Variants in IHH observed in about 807,000 individuals in gnomAD.
IHH encodes the protein indian hedgehog protein.
IHH carries 9 observed loss-of-function variants against 29.4 expected under a neutral mutation model. The observed-to-expected ratio is 0.31, with a 90% CI of 0.18 to 0.53. The LOEUF is 0.53. Ranked by LOEUF, IHH falls within the 20% of genes least tolerant of loss-of-function variation. IHH has a pLI of 0.95. For missense variants in IHH, 454 were observed against 578.1 expected (o/e 0.79, Z 2.20); for synonymous variants, 254 against 252.7 (o/e 1.01, Z -0.05).
Position 219,060,442 on chromosome 2 carries a change from C to A in IHH, c.26G>T (p.Arg9Leu). The part of the protein sequence containing the change: MSPARLRP[R>L]LHFCLVLLLL... ...CAACAGGACCAGGCAGAAGTGCAGTCGGGGCCGGAGCCGGGCGGGAGACAT... is the reference window on the plus strand; with the variant it reads ...CAACAGGACCAGGCAGAAGTGCAGTAGGGGCCGGAGCCGGGCGGGAGACAT... Residue 9 changes from arginine to leucine, a missense_variant, in exon 1 of 3, where the codon CGA (arginine) becomes CTA (leucine). Physicochemically the swap from Arg to Leu is moderately radical, Grantham distance 102. Transcript: ENST00000295731. This position sits in a 1 kb window ranked among gnomAD's most constrained non-coding sequence, Gnocchi z 8.8. 1 of 1,564,910 alleles carries A rather than the reference C, an allele frequency of 6.4e-7. No homozygotes were observed.
Position 219,055,330 on chromosome 2 carries a change from T to C in IHH, c.1113A>G (p.Ala371=), listed in dbSNP as rs370954076. The change falls in exon 3 of 3, where the codon GCA becomes GCG. Residue 371 remains alanine (A), a synonymous_variant. Coordinates refer to ENST00000295731, the MANE Select transcript of IHH (RefSeq NM_002181.4). The part of the protein sequence containing the change: ...FWPLRLFHSL[A]WGSWTPGEGV... ...CCTCCCCCGGAGTCCAGCTGCCCCA[T>C]GCCAAGCTGTGAAAGAGTCTCAGGG... The C allele has an allele frequency of 1.2e-6, 2 of 1,613,086 alleles. No homozygotes were observed. Among genetic ancestry groups the C allele is most frequent in the African/African-American group, 1.3e-5 (1 of 74,942 alleles).
chr2:219,060,514 G>C lies in IHH; in HGVS notation c.-47C>G. The C allele has an allele frequency of 2.2e-6, 3 of 1,334,360 alleles. No homozygotes were observed. The highest frequency in any genetic ancestry group is 2.9e-6 in the Non-Finnish European group (3 of 1,032,550). 82.7% of individuals were successfully genotyped at this position (1,334,360 alleles called of 1,614,324 possible). On this transcript the variant is annotated 5_prime_UTR_variant, in exon 1 of 3. The change creates a new upstream start codon in the 5' untranslated region. Transcript: ENST00000295731. The surrounding 1 kb of genome is among the most constrained non-coding windows in gnomAD (Gnocchi z 8.8). ...GGCGGGCGAGGTCTCCTGGTGGGCT[G>C]ATGGGCAGGCGCGTCGACGGGAGCG...
Position 219,060,469 on chromosome 2 carries a change from G to GCCGGGGAGC in IHH, c.-11_-3dup. 1 of 1,484,010 alleles carries GCCGGGGAGC rather than the reference G, an allele frequency of 6.7e-7. No homozygotes were observed. Among genetic ancestry groups the GCCGGGGAGC allele is most frequent in the Non-Finnish European group, 8.9e-7 (1 of 1,122,716 alleles). The allele number at this position is 1,484,010 out of a possible 1,614,324, so 91.9% of individuals were successfully genotyped here. A position where few individuals can be genotyped will look rare whatever the true frequency, so the allele number is the denominator to read the frequency against. On this transcript the variant is annotated 5_prime_UTR_variant, in exon 1 of 3. Transcript: ENST00000295731. This position sits in a 1 kb window ranked among gnomAD's most constrained non-coding sequence, Gnocchi z 8.8. ...GGGCCGGAGCCGGGCGGGAGACATG[G>GCCGGGGAGC]CCGGGGAGCCCGGGGGAGCGGCGGG...
At position 219,059,388 on chromosome 2, in the gene IHH, A is replaced by T. The variant is rs1004462164; in HGVS notation, c.315+765T>A. On this transcript the variant is annotated intron_variant, in intron 1 of 2. Transcript: ENST00000295731. The surrounding 1 kb of genome is among the most constrained non-coding windows in gnomAD (Gnocchi z 4.7). ...GCGCGGGTCCTACTCCAGCATGCAG[A>T]GACTAGCGTCAGCCCTGGTCCCTGC... 1.3e-5 allele frequency among the ~76,000 whole-genome samples: 2 copies of T among 152,092 alleles called. No individual in the cohort carries two copies. Among genetic ancestry groups the T allele is most frequent in the South Asian group, 4.1e-4 (2 of 4,828 alleles).
At chr2:219,057,890 C>T (rs1016906682) in intron 1 of IHH, among the ~76,000 whole-genome samples, 196 bp from the exon 2 acceptor site, 1 of 152,264 alleles carries the variant, frequency 6.6e-6, no homozygotes, top group African/African-American at 2.4e-5. Context: ...CAGCCGCCCC[C>T]GGGGATCTGG....
In IHH at chr2:219,060,505, T is replaced by C; in HGVS notation, c.-38A>G. 1 of 1,384,176 alleles carries C rather than the reference T, an allele frequency of 7.2e-7. No homozygotes were observed. The highest frequency in any genetic ancestry group is 9.4e-7 in the Non-Finnish European group (1 of 1,068,518). 85.7% of individuals were successfully genotyped at this position (1,384,176 alleles called of 1,614,324 possible). ...CGGGGGAGCGGCGGGCGAGGTCTCC[T>C]GGTGGGCTGATGGGCAGGCGCGTCG... On this transcript the variant is annotated 5_prime_UTR_variant, in exon 1 of 3. Coordinates refer to ENST00000295731, the MANE Select transcript of IHH (RefSeq NM_002181.4). This position sits in a 1 kb window ranked among gnomAD's most constrained non-coding sequence, Gnocchi z 8.8.
At chr2:219,057,291 G>T in intron 2 of IHH, 142 bp downstream of exon 2, 1 of 959,592 alleles carries the variant, frequency 1.0e-6, no homozygotes, top group Non-Finnish European at 1.6e-6. Flanking sequence ...GTCAGGAGCA[G>T]CCTTGGAGAG....
At chr2:219,057,800 C>G in intron 1 of IHH, 106 bp from the exon 2 acceptor site, 1 of 1,479,394 alleles carries the variant, frequency 6.8e-7, no homozygotes, top group Non-Finnish European at 9.2e-7. Flanking sequence ...CCGCCACACC[C>G]AAGGGAGCTG....
intron 2 of IHH, among the ~76,000 whole-genome samples, chr2:219,057,050 A>G (rs1033842141): frequency 1.3e-5 from 2 of 151,902 alleles, no homozygotes; most frequent in African/African-American, 2.4e-5. Context: ...GTCTGGGCAT[A>G]CCCCGGCTCC....
At chr2:219,055,920 C>T (rs960283894) in intron 2 of IHH, 55 bp from the exon 3 acceptor site, 3 of 1,555,126 alleles carry the variant, frequency 1.9e-6, no homozygotes, top group Non-Finnish European at 2.6e-6. Flanking sequence ...GCCTCCTGGT[C>T]ACAACGACCC....
chr2:219,055,652 T>A lies in IHH; in HGVS notation c.791A>T (p.Asp264Val), dbSNP rs775340016. 1 of 1,613,300 alleles carries A rather than the reference T, an allele frequency of 6.2e-7. No homozygotes were observed. The highest frequency in any genetic ancestry group is 8.5e-7 in the Non-Finnish European group (1 of 1,179,816). Residue 264 changes from aspartate (D) to valine (V), a missense_variant, in exon 3 of 3, where the codon GAC becomes GTC. By Grantham distance (152) the Asp-to-Val change is radical. Transcript: ENST00000295731. ...TGTGAGTGCCAGGCGGCGTGGGGGGTCCTGAGTCTCGATGACCTGGAAGGC... is the reference window on the plus strand; with the variant it reads ...TGTGAGTGCCAGGCGGCGTGGGGGGACCTGAGTCTCGATGACCTGGAAGGC... The part of the protein sequence containing the change: ...LRAFQVIETQ[D>V]PPRRLALTPA...
chr2:219,059,386 A>G lies in IHH; in HGVS notation c.315+767T>C, dbSNP rs1948861766. Among the ~76,000 whole-genome samples the G allele has an allele frequency of 6.6e-6, 1 of 152,168 alleles. No individual in the cohort carries two copies. The highest frequency in any genetic ancestry group is 2.4e-5 in the African/African-American group (1 of 41,442). ...GAGCGCGGGTCCTACTCCAGCATGC[A>G]GAGACTAGCGTCAGCCCTGGTCCCT... On this transcript the variant is annotated intron_variant, in intron 1 of 2. Coordinates refer to ENST00000295731, the MANE Select transcript of IHH (RefSeq NM_002181.4). This position sits in a 1 kb window ranked among gnomAD's most constrained non-coding sequence, Gnocchi z 4.7.
chr2:219,057,746 C>T (rs776882116), intron 1 of IHH, 52 bp from the exon 2 acceptor site: 6 of 1,597,208 alleles, frequency 3.8e-6, no homozygotes, highest in Non-Finnish European at 5.1e-6. Flanking sequence ...GCCGGAGGAG[C>T]CGGCCGAGGT....
In IHH at chr2:219,055,675, G is replaced by A; in HGVS notation, c.768C>T (p.Ala256=). Residue 256 remains alanine (A), a synonymous_variant, in exon 3 of 3, where the codon GCC becomes GCT. Coordinates refer to ENST00000295731, the MANE Select transcript of IHH (RefSeq NM_002181.4). ...FLDREPHRLR[A]FQVIETQDPP... is the part of the protein sequence containing the mutation. ...GGTCCTGAGTCTCGATGACCTGGAA[G>A]GCTCTCAGCCTGTGAGGCTCGCGGT... 1 of 1,614,080 alleles carries A rather than the reference G, an allele frequency of 6.2e-7. No homozygotes were observed. The highest frequency in any genetic ancestry group is 1.1e-5 in the South Asian group (1 of 91,090).
chr2:219,055,068 A>G lies in IHH; in HGVS notation c.*139T>C. 1.1e-6 allele frequency: 1 copy of G among 894,548 alleles called. No individual in the cohort carries two copies. Among genetic ancestry groups the G allele is most frequent in the Non-Finnish European group, 1.7e-6 (1 of 581,286 alleles). 55.4% of individuals were successfully genotyped at this position (894,548 alleles called of 1,614,324 possible). A position where few individuals can be genotyped will look rare whatever the true frequency, so the allele number is the denominator to read the frequency against. Reference sequence around the variant, plus strand: ...CGCTGGTGTTGCCCAGTCAAGTCTCAATGGTGTATCTTCATGGCAGAGGAG... The same window carrying G: ...CGCTGGTGTTGCCCAGTCAAGTCTCGATGGTGTATCTTCATGGCAGAGGAG... On this transcript the variant is annotated 3_prime_UTR_variant, in exon 3 of 3. Coordinates refer to ENST00000295731, the MANE Select transcript of IHH (RefSeq NM_002181.4).
At chr2:219,057,332 T>C (rs1187378996) in intron 2 of IHH, 101 bp downstream of exon 2, 7 of 1,339,562 alleles carry the variant, frequency 5.2e-6, no homozygotes, top group African/African-American at 3.1e-5. Context: ...CCCGGATCCC[T>C]GCCTCCATCC....
rs1229295784 is a variant in IHH, at chr2:219,054,951, G to T, written c.*256C>A. 1.8e-6 allele frequency: 1 copy of T among 541,836 alleles called. No individual in the cohort carries two copies. Among genetic ancestry groups the T allele is most frequent in the African/African-American group, 1.9e-5 (1 of 52,800 alleles). 33.6% of individuals were successfully genotyped at this position (541,836 alleles called of 1,614,324 possible). ...GGCTGAGTTGGGAGTCGCCGTGCCA[G>T]CCTCAAGGTCTCTAGGAGAGAGGGG... is the stretch of plus-strand genomic sequence containing the variant. On this transcript the variant is annotated 3_prime_UTR_variant, in exon 3 of 3. Coordinates refer to ENST00000295731, the MANE Select transcript of IHH (RefSeq NM_002181.4).
At chr2:219,057,320 C>T in intron 2 of IHH, 113 bp downstream of exon 2, 2 of 1,241,654 alleles carry the variant, frequency 1.6e-6, no homozygotes, top group Non-Finnish European at 2.3e-6. Flanking sequence ...ATGTCCTCTT[C>T]CCCCGGATCC....
intron 1 of IHH, among the ~76,000 whole-genome samples, chr2:219,058,305 G>A (rs1396708801): frequency 1.3e-5 from 2 of 152,174 alleles, no homozygotes; most frequent in East Asian, 3.9e-4. Flanking sequence ...GAGCACCACC[G>A]AGGATTCCCG....
Sources: allele counts gnomAD v4.1 joint callset (sites outside exome capture counted in the v4.1 genomes callset), GRCh38; gene constraint gnomAD v4.1.1; non-coding constraint Gnocchi (gnomAD v3.1); transcripts MANE v1.5; gene names NCBI Gene and HGNC (gene_info 2026-07-23, HGNC 2026-07-21).